Variants in RGS14 observed in about 807,000 individuals in gnomAD.
RGS14 encodes the protein regulator of G protein signaling 14.
RGS14 carries 33 observed loss-of-function variants against 63.8 expected under a neutral mutation model. The ratio of observed to expected loss-of-function variants is 0.52; its 90% CI spans 0.39 to 0.69. The LOEUF is 0.69. RGS14 is among the 30% of genes least tolerant of loss of function. The pLI, the probability that RGS14 is intolerant of heterozygous loss-of-function variation, is 0.00. For missense variants in RGS14, 739 were observed against 742.9 expected, an observed-to-expected ratio of 0.99 and a Z score of 0.06; for synonymous variants, 296 against 320.9, an observed-to-expected ratio of 0.92 and a Z score of 0.83.
rs760021803 is a variant in RGS14 at position 177,358,466 on chromosome 5, C to T, written c.45+397C>T. On this transcript the variant is annotated intron_variant, in intron 1 of 14. Coordinates refer to ENST00000408923, the MANE Select transcript of RGS14 (RefSeq NM_006480.5). This position sits in a 1 kb window ranked among gnomAD's most constrained non-coding sequence, Gnocchi z 4.8. ...AGTCCTCCCCTCCTCACCCCCTGCT[C>T]CAGGTGCCCAAGGTCATGTTAGTGG... Among the ~76,000 whole-genome samples the T allele has an allele frequency of 2.0e-5, 3 of 152,208 alleles. No homozygotes were observed. The highest frequency in any genetic ancestry group is 7.2e-5 in the African/African-American group (3 of 41,450).
Position 177,370,542 on chromosome 5 carries a change from C to T in RGS14, c.1054-49C>T, listed in dbSNP as rs747147809. On this transcript the variant is annotated intron_variant, in intron 9 of 14. Coordinates refer to ENST00000408923, the MANE Select transcript of RGS14 (RefSeq NM_006480.5). ...GTTGTTCTCAGACCCACAGGGATGGCTGGGGGTTGGGGGAGGGACTCTTAG... is the reference window on the plus strand; with the variant it reads ...GTTGTTCTCAGACCCACAGGGATGGTTGGGGGTTGGGGGAGGGACTCTTAG... 1.3e-5 allele frequency: 20 copies of T among 1,552,916 alleles called. No homozygotes were observed. The East Asian group carries it at 3.8e-4, about 30-fold the overall frequency.
rs190712989 is a variant in RGS14 at position 177,368,742 on chromosome 5, C to A, written c.875C>A (p.Thr292Lys). Residue 292 changes from threonine to lysine, a missense_variant, in exon 9 of 15, where the codon ACG becomes AAG. Coordinates refer to ENST00000408923, the MANE Select transcript of RGS14 (RefSeq NM_006480.5). ...SESHRKSLGS[T>K]EGESESRPGK... ...AGCCACCGGAAGAGCCTTGGGAGCACGGAGGGTGAAAGTGAAAGCCGGCCA... is the reference window on the plus strand; with the variant it reads ...AGCCACCGGAAGAGCCTTGGGAGCAAGGAGGGTGAAAGTGAAAGCCGGCCA... 3.1e-5 allele frequency: 50 copies of A among 1,614,200 alleles called. No individual in the cohort carries two copies. The East Asian group carries it at 7.1e-4, about 23-fold the overall frequency.
intron 5 of RGS14, 181 bp downstream of exon 5, chr5:177,367,215 ACAG>A: frequency 9.2e-7 from 1 of 1,085,892 alleles, no homozygotes; most frequent in Non-Finnish European, 1.3e-6. Flanking sequence ...ACGGGGAAGG[ACAG>A]TTAGAGGCGG....
chr5:177,366,431 A>G, intron 3 of RGS14, 76 bp downstream of exon 3: 1 of 1,316,512 alleles, frequency 7.6e-7, no homozygotes, highest in South Asian at 1.5e-5. Context: ...GGCTGGCCAG[A>G]GTGGGGTCCT....
In RGS14 at chr5:177,368,249, G is replaced by A; in HGVS notation, c.832G>A (p.Val278Ile). 1 of 1,613,048 alleles carries A rather than the reference G, an allele frequency of 6.2e-7. No homozygotes were observed. The highest frequency in any genetic ancestry group is 8.5e-7 in the Non-Finnish European group (1 of 1,179,256). ...CCTGGACCTTGGCTTCCTAGCCTTC[G>A]TCAGCAGCAAATCTGAGGTGAGCCG... ...ASLDLGFLAF[V>I]SSKSESHRKS... is the part of the protein sequence containing the mutation. Residue 278 changes from valine (V) to isoleucine (I), a missense_variant, in exon 8 of 15, where the codon GTC becomes ATC. Transcript: ENST00000408923.
At chr5:177,367,880 T>C (rs1762140647) in intron 7 of RGS14, 55 bp downstream of exon 7, 1 of 1,490,342 alleles carries the variant, frequency 6.7e-7, no homozygotes, top group Admixed American at 2.4e-5. Context: ...TTGGTTAAAT[T>C]TGGGGAGTGC....
chr5:177,361,741 C>T lies in RGS14; in HGVS notation c.45+3672C>T, dbSNP rs112627629. Among the ~76,000 whole-genome samples the T allele has an allele frequency of 8.1e-3, 1,237 of 152,268 alleles. 22 individuals carry two copies. The highest frequency in any genetic ancestry group is 0.028 in the African/African-American group (1,184 of 41,552). On this transcript the variant is annotated intron_variant, in intron 1 of 14. Transcript: ENST00000408923. ...GCTCAGGAAATTGGGGCCTTACTCT[C>T]ACCTTAGCATTTTCAGGTGCCAGCA...
Position 177,372,007 on chromosome 5 carries a change from C to T in RGS14, c.1633C>T (p.Pro545Ser). The T allele has an allele frequency of 6.2e-7, 1 of 1,614,184 alleles. No homozygotes were observed. The highest frequency in any genetic ancestry group is 8.5e-7 in the Non-Finnish European group (1 of 1,180,026). The change falls in exon 15 of 15, where the codon CCA (proline) becomes TCA (serine). Residue 545 changes from proline (P) to serine (S), a missense_variant. Pro to Ser is a moderately conservative substitution (Grantham distance 74, BLOSUM62 -1). Transcript: ENST00000408923. ...AGGGCCCAGCTCCGAGGAGACCCCA[C>T]CACAGACCAAATCAGCAGCCCAGCC... ...AQGPSSEETP[P>S]QTKSAAQPIG...
chr5:177,366,162 T>C lies in RGS14; in HGVS notation c.68-15T>C. The C allele has an allele frequency of 6.2e-7, 1 of 1,601,128 alleles. No individual in the cohort carries two copies. Among genetic ancestry groups the C allele is most frequent in the Non-Finnish European group, 8.5e-7 (1 of 1,173,360 alleles). On this transcript the variant is annotated splice_polypyrimidine_tract_variant and intron_variant, in intron 2 of 14. Transcript: ENST00000408923. ...AGGCAGCAAGGCTCACCCCAACTTG[T>C]CCATCCCCCTGCAGAGCTGAGCAGC... is the stretch of plus-strand genomic sequence containing the variant.
chr5:177,368,991 C>T lies in RGS14; in HGVS notation c.1053+71C>T, dbSNP rs185636272. 1,779 of 1,477,052 alleles carry T rather than the reference C, an allele frequency of 1.2e-3. 4 individuals are homozygous for T. Among genetic ancestry groups the T allele is most frequent in the Non-Finnish European group, 1.5e-3 (1,593 of 1,062,332 alleles). 91.5% of individuals were successfully genotyped at this position (1,477,052 alleles called of 1,614,324 possible). On this transcript the variant is annotated intron_variant, in intron 9 of 14. Transcript: ENST00000408923. Reference sequence around the variant, plus strand: ...GACCCCAACTCCATTTCTGTCTCTGCTCAGTCATGGCTCCAACCCCAATTC... The same window carrying T: ...GACCCCAACTCCATTTCTGTCTCTGTTCAGTCATGGCTCCAACCCCAATTC...
In RGS14 at chr5:177,368,214, C is replaced by A; in HGVS notation, c.797C>A (p.Ser266Tyr). 1.2e-6 allele frequency: 2 copies of A among 1,614,036 alleles called. No individual in the cohort carries two copies. Among genetic ancestry groups the A allele is most frequent in the Non-Finnish European group, 1.7e-6 (2 of 1,179,944 alleles). The change falls in exon 8 of 15, where the codon TCC becomes TAC. Residue 266 changes from serine (S) to tyrosine (Y), a missense_variant. Transcript: ENST00000408923. The part of the protein sequence containing the change: ...LRRESQGSLN[S>Y]SASLDLGFLA... ...CGAGAGTCTCAGGGCTCCCTCAACTCCTCCGCCAGCCTGGACCTTGGCTTC... is the reference window on the plus strand; with the variant it reads ...CGAGAGTCTCAGGGCTCCCTCAACTACTCCGCCAGCCTGGACCTTGGCTTC...
rs181670636 is a variant in RGS14, at chr5:177,359,733, C to T, written c.45+1664C>T. On this transcript the variant is annotated intron_variant, in intron 1 of 14. Coordinates refer to ENST00000408923, the MANE Select transcript of RGS14 (RefSeq NM_006480.5). This position sits in a 1 kb window ranked among gnomAD's most constrained non-coding sequence, Gnocchi z 4.4. ...AATCCCGAGGGTCACAGATTGGCTG[C>T]CTGCTGGTCACTGAGTAGCTTCCCG... 1.3e-5 allele frequency among the ~76,000 whole-genome samples: 2 copies of T among 152,358 alleles called. No homozygotes were observed. Among genetic ancestry groups the T allele is most frequent in the East Asian group, 3.9e-4 (2 of 5,190 alleles).
Position 177,371,090 on chromosome 5 carries a change from GCCGGGGCCGGGGC to G in RGS14, c.1254+61_1255-61del, listed in dbSNP as rs1561618857. On this transcript the variant is annotated intron_variant, in intron 11 of 14. Coordinates refer to ENST00000408923, the MANE Select transcript of RGS14 (RefSeq NM_006480.5). This position sits in a 1 kb window ranked among gnomAD's most constrained non-coding sequence, Gnocchi z 6.1. The stretch of plus-strand genomic sequence containing the variant: ...GGGCCGGGCCGGGGCCGGGGCCGGG[GCCGGGGCCGGGGC>G]CGGGGCCGGGGCCGGGGCCGGGCGG... 6.9e-5 allele frequency: 51 copies of G among 734,590 alleles called. 1 individual carries two copies. In the African/African-American group the frequency reaches 1.3e-3, roughly 19 times the overall value. The allele number at this position is 734,590 out of a possible 1,614,324, so 45.5% of individuals were successfully genotyped here. A position where few individuals can be genotyped will look rare whatever the true frequency, so the allele number is the denominator to read the frequency against.
At chr5:177,366,639 G>T (rs1762098784) in intron 3 of RGS14, 69 bp from the exon 4 acceptor site, 13 of 1,462,744 alleles carry the variant, frequency 8.9e-6, no homozygotes, top group South Asian at 2.3e-5. Flanking sequence ...CAATCTTTTT[G>T]ATCACATCCC....
chr5:177,361,782 A>T (rs1761970930), intron 1 of RGS14, among the ~76,000 whole-genome samples: 1 of 152,086 alleles, frequency 6.6e-6, no homozygotes, highest in African/African-American at 2.4e-5. Flanking sequence ...CCCAGGACCA[A>T]ATTCCTAAGA....
rs1197406815 is a variant in RGS14 at position 177,358,721 on chromosome 5, C to G, written c.45+652C>G. Reference sequence around the variant, plus strand: ...CTGGCTGCTTAGCCCCAGATCAGAGCTGCCCTCAGAGGATCTGGCTCTTCT... The same window carrying G: ...CTGGCTGCTTAGCCCCAGATCAGAGGTGCCCTCAGAGGATCTGGCTCTTCT... On this transcript the variant is annotated intron_variant, in intron 1 of 14. Coordinates refer to ENST00000408923, the MANE Select transcript of RGS14 (RefSeq NM_006480.5). This position sits in a 1 kb window ranked among gnomAD's most constrained non-coding sequence, Gnocchi z 4.8. Among the ~76,000 whole-genome samples, 3 of 152,258 alleles carry G rather than the reference C, an allele frequency of 2.0e-5. No individual in the cohort carries two copies. Among genetic ancestry groups the G allele is most frequent in the Non-Finnish European group, 4.4e-5 (3 of 68,040 alleles).
At chr5:177,366,117 G>C in intron 2 of RGS14, 60 bp from the exon 3 acceptor site, 1 of 1,591,502 alleles carries the variant, frequency 6.3e-7, no homozygotes, top group Non-Finnish European at 8.6e-7. Flanking sequence ...GGGAGGGTGG[G>C]TTGTGCCAGG....
chr5:177,367,745 C>T lies in RGS14; in HGVS notation c.659C>T (p.Pro220Leu), dbSNP rs762902174. 2.5e-6 allele frequency: 4 copies of T among 1,613,218 alleles called. No homozygotes were observed. In the Admixed American group the frequency reaches 6.7e-5, roughly 27 times the overall value. The change falls in exon 7 of 15, where the codon CCG (proline) becomes CTG (leucine). Residue 220 changes from proline to leucine, a missense_variant. By Grantham distance (98) the Pro-to-Leu change is moderately conservative. Coordinates refer to ENST00000408923, the MANE Select transcript of RGS14 (RefSeq NM_006480.5). ...KPKLKPGKSL[P>L]LGVEELGQLP... ...AAGCTGAAGCCCGGGAAGTCGCTGCCGCTGGGTGTGGAGGAGTTGGGGCAG... is the reference window on the plus strand; with the variant it reads ...AAGCTGAAGCCCGGGAAGTCGCTGCTGCTGGGTGTGGAGGAGTTGGGGCAG...
At position 177,366,375 on chromosome 5, in the gene RGS14, A is replaced by G. The variant is rs1371064014; in HGVS notation, c.246+20A>G. On this transcript the variant is annotated intron_variant, in intron 3 of 14. Coordinates refer to ENST00000408923, the MANE Select transcript of RGS14 (RefSeq NM_006480.5). ...TTCACTGTAAGCCTGGGGTAGGGAA[A>G]GGGAAGGGGGGACACGGGAGAGGGC... 2 of 1,528,370 alleles carry G rather than the reference A, an allele frequency of 1.3e-6. No individual in the cohort carries two copies. The highest frequency in any genetic ancestry group is 1.8e-6 in the Non-Finnish European group (2 of 1,134,064). The allele number at this position is 1,528,370 out of a possible 1,614,324, so 94.7% of individuals were successfully genotyped here.
Sources: gnomAD v4.1 joint callset for allele counts (sites outside exome capture counted in the v4.1 genomes callset) on GRCh38, gnomAD v4.1.1 for gene constraint, Gnocchi (gnomAD v3.1) non-coding constraint, MANE v1.5 for transcripts, NCBI Gene and HGNC (gene_info 2026-07-23, HGNC 2026-07-21) for gene names.